MBD5: variants seen among roughly 807,000 people sequenced by gnomAD.
MBD5 encodes methyl-CpG binding domain protein 5.
Under a neutral mutation model 117.3 loss-of-function variants are expected in MBD5, and 13 were observed. The ratio of observed to expected loss-of-function variants is 0.11; its 90% confidence interval spans 0.07 to 0.18. MBD5 has a LOEUF of 0.18. Ranked by LOEUF, MBD5 falls within the 10% of genes least tolerant of loss-of-function variation. MBD5 has a pLI of 1.00. For missense variants in MBD5, 1,879 were observed against 2,093.8 expected (o/e 0.90, Z 2.00); for synonymous variants, 727 against 766.4 (o/e 0.95, Z 0.85).
chr2:148,141,213 A>C (rs1306555682), intron 1 of MBD5, among the ~76,000 whole-genome samples: 1 of 152,190 alleles, frequency 6.6e-6, no homozygotes, highest in Non-Finnish European at 1.5e-5. Flanking sequence ...CTCAATGTAA[A>C]GTTTCAGCCT....
At chr2:148,374,090 G>C (rs1013219133) in intron 4 of MBD5, among the ~76,000 whole-genome samples, 1 of 151,888 alleles carries the variant, frequency 6.6e-6, no homozygotes, top group African/African-American at 2.4e-5. Flanking sequence ...CAAGCATTTC[G>C]GATAAGGGGT....
intron 4 of MBD5, among the ~76,000 whole-genome samples, chr2:148,404,148 A>G (rs1705009694): frequency 6.8e-6 from 1 of 146,068 alleles, no homozygotes; most frequent in African/African-American, 2.5e-5. Flanking sequence ...TTCTTGTTGC[A>G]TCCTGGGTAT....
intron 3 of MBD5, among the ~76,000 whole-genome samples, chr2:148,281,189 T>C (rs2106382592): frequency 1.3e-5 from 2 of 152,338 alleles, no homozygotes; most frequent in East Asian, 3.9e-4. Flanking sequence ...CTATGCCTTC[T>C]ACATTCTATT....
intron 12 of MBD5, among the ~76,000 whole-genome samples, chr2:148,508,111 C>T (rs1254926499): frequency 1.3e-5 from 2 of 152,126 alleles, no homozygotes; most frequent in Non-Finnish European, 2.9e-5. Flanking sequence ...AAGCAGCCTG[C>T]AAAAGGGGCC....
chr2:148,413,423 T>C (rs1168368479), intron 4 of MBD5, among the ~76,000 whole-genome samples: 1 of 152,076 alleles, frequency 6.6e-6, no homozygotes. Flanking sequence ...CCTGAAGTTT[T>C]CTTTTTTTGT....
At chr2:148,461,726 C>T (rs906997447) in intron 5 of MBD5, among the ~76,000 whole-genome samples, 3 of 152,176 alleles carry the variant, frequency 2.0e-5, no homozygotes, top group African/African-American at 7.2e-5. Context: ...TTGTCCATCT[C>T]ACATAAAATA....
rs528768120 is a variant in MBD5, at chr2:148,483,480, G to C, written c.2889G>C (p.Pro963=). 1.9e-6 allele frequency: 3 copies of C among 1,613,854 alleles called. No individual in the cohort carries two copies. Among genetic ancestry groups the C allele is most frequent in the Admixed American group, 3.3e-5 (2 of 59,986 alleles). ...TCCACCCTTTAGGTTTTCTCAACCC[G>C]AATGTAAACGCTGCTTTAGCTTTTC... is the stretch of plus-strand genomic sequence containing the variant. ...INLHPLGFLN[P]NVNAALAFLS... Residue 963 remains proline (P), a synonymous_variant, in exon 9 of 14, where the codon CCG becomes CCC. Coordinates refer to ENST00000642680, the MANE Select transcript of MBD5 (RefSeq NM_001378120.1).
At chr2:148,154,521 C>G (rs74777700) in intron 1 of MBD5, among the ~76,000 whole-genome samples, 1 of 152,194 alleles carries the variant, frequency 6.6e-6, no homozygotes, top group African/African-American at 2.4e-5. Flanking sequence ...GTGGGCGCCC[C>G]TCCCCCAGCC....
intron 1 of MBD5, among the ~76,000 whole-genome samples, chr2:148,075,683 G>T (rs1695492021): frequency 6.6e-6 from 1 of 150,794 alleles, no homozygotes; most frequent in East Asian, 1.9e-4. Flanking sequence ...ATCTAAATAA[G>T]ATCCATATGT....
At chr2:148,274,771 G>A (rs991071731) in intron 3 of MBD5, among the ~76,000 whole-genome samples, 25 of 147,212 alleles carry the variant, frequency 1.7e-4, no homozygotes, top group African/African-American at 6.0e-4. Flanking sequence ...TGCTGAGGCT[G>A]GAGTGCAATG....
At chr2:148,145,674 G>T (rs1697439876) in intron 1 of MBD5, among the ~76,000 whole-genome samples, 1 of 152,140 alleles carries the variant, frequency 6.6e-6, no homozygotes, top group Admixed American at 6.5e-5. Flanking sequence ...GTTGAATTTT[G>T]TCAAAAGCCT....
At chr2:148,098,346 T>A (rs1696119870) in intron 1 of MBD5, among the ~76,000 whole-genome samples, 1 of 152,130 alleles carries the variant, frequency 6.6e-6, no homozygotes, top group Non-Finnish European at 1.5e-5. Context: ...AGGGAGTGAT[T>A]GGTTGAGTTT....
intron 4 of MBD5, among the ~76,000 whole-genome samples, chr2:148,427,805 TA>T (rs940926702): frequency 7.1e-6 from 1 of 140,086 alleles, no homozygotes; most frequent in African/African-American, 2.6e-5. Flanking sequence ...TAAAAAAGAA[TA>T]AAAAAATGAA....
intron 2 of MBD5, among the ~76,000 whole-genome samples, chr2:148,208,519 A>C (rs1274484340): frequency 1.3e-5 from 2 of 152,174 alleles, no homozygotes; most frequent in Non-Finnish European, 2.9e-5. Flanking sequence ...GGCCTCCCCA[A>C]GTGCTGAGAT....
chr2:148,355,614 T>G lies in MBD5; in HGVS notation c.-557+13278T>G, dbSNP rs1306417734. On this transcript the variant is annotated intron_variant, in intron 4 of 13. Coordinates refer to ENST00000642680, the MANE Select transcript of MBD5 (RefSeq NM_001378120.1). ...TAGATGTGTGATATTATTTCTGAGG[T>G]CTCTGTTCTGTTCCATTGGTCTATA... 2.6e-5 allele frequency among the ~76,000 whole-genome samples: 4 copies of G among 152,002 alleles called. No homozygotes were observed. In the East Asian group the frequency reaches 5.8e-4, roughly 22 times the overall value.
intron 3 of MBD5, among the ~76,000 whole-genome samples, chr2:148,340,835 CAT>C (rs375833545): frequency 1.3e-4 from 12 of 90,648 alleles, no homozygotes; most frequent in South Asian, 9.1e-4. Flanking sequence ...TTAAACCACA[CAT>C]ACACACACAC....
chr2:148,072,176 A>G (rs920340717), intron 1 of MBD5: 2 of 152,186 alleles, frequency 1.3e-5, no homozygotes, highest in East Asian at 1.9e-4. Flanking sequence ...ACTTATCGTC[A>G]TAGATATACT....
intron 1 of MBD5, among the ~76,000 whole-genome samples, chr2:148,143,406 T>A (rs1219669689): frequency 1.3e-5 from 2 of 152,222 alleles, no homozygotes; most frequent in Non-Finnish European, 2.9e-5. Flanking sequence ...TGCTGGTTTT[T>A]ACTATGAGCC....
At chr2:148,048,545 T>C (rs1460074823) in intron 1 of MBD5, among the ~76,000 whole-genome samples, 4 of 152,108 alleles carry the variant, frequency 2.6e-5, no homozygotes, top group Non-Finnish European at 5.9e-5. Context: ...TTTTGGACAT[T>C]AGCAAAGTCT....
Sources: gnomAD v4.1 joint callset for allele counts (sites outside exome capture counted in the v4.1 genomes callset) on GRCh38, gnomAD v4.1.1 for gene constraint, MANE v1.5 for transcripts, NCBI Gene and HGNC (gene_info 2026-07-23, HGNC 2026-07-21) for gene names.